CLASP1: variants seen among roughly 807,000 people sequenced by gnomAD.
The protein encoded by CLASP1 is cytoplasmic linker associated protein 1.
A neutral mutation model predicts 192.3 loss-of-function variants in CLASP1; 38 were observed. That is an observed-to-expected ratio of 0.20 (90% confidence interval 0.15 to 0.26). The LOEUF (loss-of-function observed/expected upper bound fraction) is 0.26. Ranked by LOEUF, CLASP1 falls within the 10% of genes least tolerant of loss-of-function variation. The probability of loss-of-function intolerance (pLI) is 1.00; values close to 1 mark genes in which losing one functional copy is unlikely to be tolerated. For synonymous variants in CLASP1, 691 were observed against 712.8 expected, an observed-to-expected ratio of 0.97 and a Z score of 0.49; for missense variants, 1,433 against 1,932.5, an observed-to-expected ratio of 0.74 and a Z score of 4.85.
intron 34 of CLASP1, among the ~76,000 whole-genome samples, chr2:121,376,647 T>A (rs7564564): frequency 0.19 from 28,744 of 152,046 alleles, 4,888 homozygotes; most frequent in African/African-American, 0.45. Context: ...TAGACTGGTA[T>A]TGGTCTGTGG....
chr2:121,521,249 C>T (rs2094449286), intron 6 of CLASP1, among the ~76,000 whole-genome samples: 1 of 152,132 alleles, frequency 6.6e-6, no homozygotes, highest in African/African-American at 2.4e-5. Context: ...GGGAAGAAGA[C>T]AAAACTGAAC....
chr2:121,552,446 A>G (rs1575913597), intron 2 of CLASP1, among the ~76,000 whole-genome samples: 1 of 152,366 alleles, frequency 6.6e-6, no homozygotes, highest in East Asian at 1.9e-4. Context: ...CACGCATCTG[A>G]CAAAGGTCTA....
chr2:121,353,453 G>T (rs558266079), intron 37 of CLASP1, among the ~76,000 whole-genome samples: 21 of 152,264 alleles, frequency 1.4e-4, no homozygotes, highest in Admixed American at 7.9e-4. Context: ...GATGCCTGAG[G>T]TTCCTCAGCA....
chr2:121,342,455 A>G (rs2062902214), intron 39 of CLASP1, among the ~76,000 whole-genome samples: 1 of 152,060 alleles, frequency 6.6e-6, no homozygotes, highest in African/African-American at 2.4e-5. Flanking sequence ...ATGATAAGAC[A>G]ATTTTTGGGG....
chr2:121,614,206 T>C (rs1459778108), intron 1 of CLASP1, among the ~76,000 whole-genome samples: 1 of 152,170 alleles, frequency 6.6e-6, no homozygotes, highest in Non-Finnish European at 1.5e-5. Flanking sequence ...GCATTAAAAG[T>C]GTGAGGAAGC....
chr2:121,369,147 T>C (rs1454492068), intron 34 of CLASP1, among the ~76,000 whole-genome samples: 2 of 152,236 alleles, frequency 1.3e-5, no homozygotes, highest in Non-Finnish European at 2.9e-5. Flanking sequence ...CTTTTGCCTT[T>C]TGGCTCTTGT....
rs1230683668 is a variant in CLASP1 at position 121,473,263 on chromosome 2, T to A, written c.713-3303A>T. Among the ~76,000 whole-genome samples the A allele has an allele frequency of 3.9e-5, 6 of 152,284 alleles. 1 individual carries two copies. Among genetic ancestry groups the A allele is most frequent in the African/African-American group, 1.4e-4 (6 of 41,574 alleles). On this transcript the variant is annotated intron_variant, in intron 8 of 39. Transcript: ENST00000263710. ...TTCATAAGAAAAAAGAAAGTTTTTTTAAAGAATCCAATGGAACTTACAGAT... is the reference window on the plus strand; with the variant it reads ...TTCATAAGAAAAAAGAAAGTTTTTTAAAAGAATCCAATGGAACTTACAGAT...
intron 19 of CLASP1, among the ~76,000 whole-genome samples, chr2:121,436,896 T>C (rs1476132645): frequency 6.6e-6 from 1 of 152,232 alleles, no homozygotes; most frequent in African/African-American, 2.4e-5. Flanking sequence ...AAGTTCTTCC[T>C]AGCTTTCTTA....
intron 2 of CLASP1, among the ~76,000 whole-genome samples, chr2:121,551,443 A>G (rs2105165905): frequency 6.6e-6 from 1 of 152,332 alleles, no homozygotes; most frequent in Admixed American, 6.5e-5. Context: ...TTCTATATCT[A>G]GAAAACCCCA....
chr2:121,489,643 TTA>T, intron 8 of CLASP1, among the ~76,000 whole-genome samples: 1 of 152,360 alleles, frequency 6.6e-6, no homozygotes, highest in Non-Finnish European at 1.5e-5. Flanking sequence ...ACAGAATCTT[TTA>T]AAATCACTTC....
At chr2:121,366,058 T>G (rs1051727636) in intron 35 of CLASP1, among the ~76,000 whole-genome samples, 1 of 152,210 alleles carries the variant, frequency 6.6e-6, no homozygotes, top group Non-Finnish European at 1.5e-5. Flanking sequence ...GCATACTTCT[T>G]TAGCTTCTAA....
intron 3 of CLASP1, among the ~76,000 whole-genome samples, chr2:121,529,025 T>G (rs2094666847): frequency 6.6e-6 from 1 of 152,134 alleles, no homozygotes; most frequent in African/African-American, 2.4e-5. Context: ...TACCCCACGT[T>G]CCTCCAGCCA....
At chr2:121,445,600 C>A in intron 19 of CLASP1, 1 of 528,374 alleles carries the variant, frequency 1.9e-6, no homozygotes, top group Non-Finnish European at 3.1e-6. Context: ...TAGGATTGTG[C>A]TATATTTCAA....
intron 39 of CLASP1, among the ~76,000 whole-genome samples, chr2:121,341,366 C>G (rs1272976561): frequency 6.6e-6 from 1 of 152,196 alleles, no homozygotes; most frequent in Non-Finnish European, 1.5e-5. Context: ...GGGCCAAGGT[C>G]AGAGGGCAAA....
intron 30 of CLASP1, 156 bp from the exon 32 acceptor site, chr2:121,388,062 A>C: frequency 1.8e-6 from 1 of 567,664 alleles, no homozygotes; most frequent in Non-Finnish European, 3.1e-6. Context: ...AATAATACCA[A>C]TCACAAGCAG....
chr2:121,399,388 A>C (rs570548739), intron 28 of CLASP1, among the ~76,000 whole-genome samples: 3 of 152,366 alleles, frequency 2.0e-5, no homozygotes, highest in East Asian at 3.9e-4. Flanking sequence ...TGACTATGTC[A>C]ACAAACCACC....
chr2:121,390,840 G>C (rs896407734), intron 30 of CLASP1, among the ~76,000 whole-genome samples: 1 of 151,824 alleles, frequency 6.6e-6, no homozygotes, highest in Admixed American at 6.6e-5. Flanking sequence ...CAAGAGATGG[G>C]GGTCTTGCTA....
intron 2 of CLASP1, among the ~76,000 whole-genome samples, chr2:121,547,317 A>C (rs898922601): frequency 6.6e-6 from 1 of 152,088 alleles, no homozygotes; most frequent in African/African-American, 2.4e-5. Context: ...ACTAACAAAG[A>C]AGCACAGACC....
intron 8 of CLASP1, among the ~76,000 whole-genome samples, chr2:121,489,283 A>T (rs1445712896): frequency 6.6e-6 from 1 of 152,242 alleles, no homozygotes; most frequent in Non-Finnish European, 1.5e-5. Flanking sequence ...TTAAATTCTC[A>T]ATTTAAAAAT....
Sources: gnomAD v4.1 joint callset for allele counts (sites outside exome capture counted in the v4.1 genomes callset) on GRCh38, gnomAD v4.1.1 for gene constraint, MANE v1.5 for transcripts, NCBI Gene and HGNC (gene_info 2026-07-23, HGNC 2026-07-21) for gene names.